SIK3: variants seen among roughly 807,000 people sequenced by gnomAD.
The protein encoded by SIK3 is serine/threonine-protein kinase SIK3.
In SIK3, 28 loss-of-function variants were observed where a neutral mutation model predicts 144.2. The observed-to-expected ratio is 0.19, with a 90% CI of 0.14 to 0.27. SIK3 has a LOEUF of 0.27. Among genes scored for constraint, SIK3 ranks in the 10% least tolerant of loss-of-function variants. The pLI, the probability that SIK3 is intolerant of heterozygous loss-of-function variation, is 1.00. For synonymous variants in SIK3, 686 were observed against 676.3 expected (o/e 1.01, Z -0.22); for missense variants, 1,319 against 1,776.0 (o/e 0.74, Z 4.62).
At chr11:117,074,926 C>G (rs1157458391) in intron 1 of SIK3, among the ~76,000 whole-genome samples, 1 of 95,862 alleles carries the variant, frequency 1.0e-5, no homozygotes, top group Admixed American at 1.1e-4. Context: ...GACTCCGTCT[C>G]AAAACAAAAA....
At chr11:116,949,019 G>C (rs1190271923) in intron 3 of SIK3, among the ~76,000 whole-genome samples, 1 of 148,602 alleles carries the variant, frequency 6.7e-6, no homozygotes, top group African/African-American at 2.5e-5. Context: ...AATGAAACAA[G>C]ACATCAAAAG....
intron 1 of SIK3, among the ~76,000 whole-genome samples, chr11:117,076,154 C>T (rs924172600): frequency 6.6e-6 from 1 of 151,854 alleles, no homozygotes; most frequent in Non-Finnish European, 1.5e-5. Flanking sequence ...CGGCCAGTTA[C>T]TGATACTCGT....
intron 15 of SIK3, chr11:116,865,078 A>C (rs1943559364): frequency 1.3e-5 from 2 of 152,218 alleles, no homozygotes; most frequent in African/African-American, 4.8e-5. Flanking sequence ...TTGGCGGGCC[A>C]CAATCCAGGA....
rs1947489551 is a variant in SIK3, at chr11:116,929,676, A to G, written c.455-2296T>C. Among the ~76,000 whole-genome samples, 2 of 152,250 alleles carry G rather than the reference A, an allele frequency of 1.3e-5. 1 individual carries two copies. The highest frequency in any genetic ancestry group is 4.1e-4 in the South Asian group (2 of 4,834). Reference sequence around the variant, plus strand: ...ACCTCTTGATCTTCTAAATACAAGTAAACTCTGTTGCATGCTATACCCAAA... The same window carrying G: ...ACCTCTTGATCTTCTAAATACAAGTGAACTCTGTTGCATGCTATACCCAAA... On this transcript the variant is annotated intron_variant, in intron 3 of 24. Coordinates refer to ENST00000445177, the MANE Select transcript of SIK3 (RefSeq NM_001366686.3).
In SIK3 at chr11:117,006,476, G is replaced by A. The variant is rs148390173; in HGVS notation, c.274-49412C>T. Among the ~76,000 whole-genome samples the A allele has an allele frequency of 4.0e-4, 61 of 152,250 alleles. No homozygotes were observed. In the East Asian group the frequency reaches 0.01, roughly 26 times the overall value. ...ATTAAACAAGGAAGGGGTATGAGGA[G>A]TGAAAGTGCGAGGTGGTGAGGGAGA... is the stretch of plus-strand genomic sequence containing the variant. On this transcript the variant is annotated intron_variant, in intron 1 of 24. Coordinates refer to ENST00000445177, the MANE Select transcript of SIK3 (RefSeq NM_001366686.3).
intron 1 of SIK3, among the ~76,000 whole-genome samples, chr11:117,056,607 C>A (rs1379073438): frequency 2.0e-5 from 3 of 147,902 alleles, no homozygotes; most frequent in South Asian, 2.2e-4. Flanking sequence ...ATAAAGTCCC[C>A]AAGAAGAAGT....
intron 1 of SIK3, among the ~76,000 whole-genome samples, chr11:116,970,794 C>A (rs572530442): frequency 2.0e-4 from 30 of 152,174 alleles, no homozygotes; most frequent in African/African-American, 7.2e-4. Context: ...GGACTACAGG[C>A]ATGTACTACC....
chr11:117,073,961 G>A (rs992134248), intron 1 of SIK3, among the ~76,000 whole-genome samples: 2 of 152,154 alleles, frequency 1.3e-5, no homozygotes, highest in Non-Finnish European at 2.9e-5. Flanking sequence ...TGTTGCCAAG[G>A]CTAGAATGCA....
intron 1 of SIK3, among the ~76,000 whole-genome samples, chr11:117,081,166 T>G (rs1954767475): frequency 6.6e-6 from 1 of 152,036 alleles, no homozygotes; most frequent in Non-Finnish European, 1.5e-5. Flanking sequence ...TAAAAAAAAT[T>G]TTTACCATGT....
At chr11:116,928,837 G>A (rs1015575937) in intron 3 of SIK3, among the ~76,000 whole-genome samples, 2 of 152,144 alleles carry the variant, frequency 1.3e-5, no homozygotes, top group African/African-American at 2.4e-5. Flanking sequence ...AGGAATTATT[G>A]TAATTTTTGT....
rs75088414 is a variant in SIK3 at position 116,969,699 on chromosome 11, T to C, written c.274-12635A>G. On this transcript the variant is annotated intron_variant, in intron 1 of 24. Coordinates refer to ENST00000445177, the MANE Select transcript of SIK3 (RefSeq NM_001366686.3). ...TGTAGGAAGGATATAAAAATGATCA[T>C]ACACAGCAGTAGAAACTTTTTCCTT... Among the ~76,000 whole-genome samples the C allele has an allele frequency of 5.7e-3, 871 of 152,254 alleles. 9 individuals carry two copies. The highest frequency in any genetic ancestry group is 0.02 in the African/African-American group (815 of 41,542).
rs745604608 is a variant in SIK3, at chr11:116,846,297, C to G, written c.*13+86G>C. On this transcript the variant is annotated intron_variant, in intron 24 of 24. Coordinates refer to ENST00000445177, the MANE Select transcript of SIK3 (RefSeq NM_001366686.3). This position sits in a 1 kb window ranked among gnomAD's most constrained non-coding sequence, Gnocchi z 4.1. ...GTACTGTCGACTGCACTGGCCACCA[C>G]AACACATGGGCTGAAGCTCCTGATG... is the stretch of plus-strand genomic sequence containing the variant. The G allele has an allele frequency of 2.1e-6, 3 of 1,439,688 alleles. No homozygotes were observed. The highest frequency in any genetic ancestry group is 3.7e-5 in the Admixed American group (2 of 53,926). The allele number at this position is 1,439,688 out of a possible 1,614,324, so 89.2% of individuals were successfully genotyped here.
intron 1 of SIK3, among the ~76,000 whole-genome samples, chr11:117,073,596 T>G (rs1391260831): frequency 6.6e-6 from 1 of 152,234 alleles, no homozygotes; most frequent in Non-Finnish European, 1.5e-5. Flanking sequence ...AAGAATTATA[T>G]GAAGTATACA....
At chr11:117,018,226 C>G (rs1046112533) in intron 1 of SIK3, among the ~76,000 whole-genome samples, 2 of 152,104 alleles carry the variant, frequency 1.3e-5, no homozygotes, top group Non-Finnish European at 2.9e-5. Flanking sequence ...CTGCAGTCCC[C>G]CGAGGAACCT....
chr11:116,909,143 G>T (rs1009525878), intron 4 of SIK3, among the ~76,000 whole-genome samples: 1 of 152,074 alleles, frequency 6.6e-6, no homozygotes, highest in African/African-American at 2.4e-5. Context: ...CAGACTGTTG[G>T]ATGAAACAGA....
chr11:117,011,224 T>A (rs529978399), intron 1 of SIK3, among the ~76,000 whole-genome samples: 1 of 152,102 alleles, frequency 6.6e-6, no homozygotes, highest in Non-Finnish European at 1.5e-5. Flanking sequence ...CCTTTTTTTT[T>A]CCCCCTGTAA....
intron 4 of SIK3, among the ~76,000 whole-genome samples, chr11:116,921,853 C>T (rs928413457): frequency 6.6e-6 from 1 of 150,812 alleles, no homozygotes; most frequent in Non-Finnish European, 1.5e-5. Context: ...TCTCTAGAAA[C>T]AGAACTAGAA....
intron 1 of SIK3, among the ~76,000 whole-genome samples, chr11:117,036,647 C>T (rs1401564502): frequency 6.6e-6 from 1 of 152,190 alleles, no homozygotes; most frequent in Non-Finnish European, 1.5e-5. Context: ...TCACAGTCAA[C>T]TTGTGTTAAC....
intron 3 of SIK3, among the ~76,000 whole-genome samples, chr11:116,939,334 GACAAGGTTTC>G (rs1410115000): frequency 6.6e-6 from 1 of 152,128 alleles, no homozygotes; most frequent in Non-Finnish European, 1.5e-5. Flanking sequence ...TTTCAATAAA[GACAAGGTTTC>G]ACCATGTTGG....
Sources: allele counts gnomAD v4.1 joint callset (sites outside exome capture counted in the v4.1 genomes callset), GRCh38; gene constraint gnomAD v4.1.1; non-coding constraint Gnocchi (gnomAD v3.1); transcripts MANE v1.5; gene names NCBI Gene and HGNC (gene_info 2026-07-23, HGNC 2026-07-21).